Variants in CYB5R4 observed in about 807,000 individuals in gnomAD.
CYB5R4 encodes the protein cytochrome b5 reductase 4, also known as N-terminal cytochrome b5 and cytochrome b5 oxidoreductase domain-containing protein.
In CYB5R4, 55 loss-of-function variants were observed where a neutral mutation model predicts 70.2. The ratio of observed to expected loss-of-function variants is 0.78; its 90% CI spans 0.63 to 0.98. The LOEUF (loss-of-function observed/expected upper bound fraction) is 0.98, where lower values mean the gene tolerates loss of function less well. Among genes scored for constraint, CYB5R4 ranks in the 50% least tolerant of loss-of-function variants. CYB5R4 has a pLI of 0.00. For missense variants in CYB5R4, 562 were observed against 612.6 expected (o/e 0.92, Z 0.87); for synonymous variants, 197 against 199.5 (o/e 0.99, Z 0.11).
At chr6:83,924,422 C>T (rs1271526930) in intron 9 of CYB5R4, 48 bp from the exon 10 acceptor site, 2 of 1,587,802 alleles carry the variant, frequency 1.3e-6, no homozygotes, top group African/African-American at 2.7e-5. Context: ...AAAATAAAAT[C>T]TTGTATTTAG....
intron 14 of CYB5R4, among the ~76,000 whole-genome samples, chr6:83,948,196 AG>A (rs1432516446): frequency 6.6e-6 from 1 of 152,256 alleles, no homozygotes; most frequent in Non-Finnish European, 1.5e-5. Context: ...GCCATAAAAA[AG>A]GATGAGTTCA....
At chr6:83,958,699 A>G (rs1035684096) in intron 15 of CYB5R4, among the ~76,000 whole-genome samples, 1 of 152,112 alleles carries the variant, frequency 6.6e-6, no homozygotes, top group Admixed American at 6.6e-5. Context: ...TTGTGTGAGT[A>G]TGTGTATGCC....
chr6:83,904,865 T>G (rs2099463520), intron 3 of CYB5R4, among the ~76,000 whole-genome samples: 1 of 152,214 alleles, frequency 6.6e-6, no homozygotes, highest in Non-Finnish European at 1.5e-5. Flanking sequence ...AATCAATAGT[T>G]TGAATTCTTT....
At chr6:83,953,094 A>G (rs961242123) in intron 14 of CYB5R4, among the ~76,000 whole-genome samples, 2 of 152,134 alleles carry the variant, frequency 1.3e-5, no homozygotes, top group African/African-American at 4.8e-5. Context: ...GTGTTCTTTG[A>G]AATGTTAATG....
intron 2 of CYB5R4, among the ~76,000 whole-genome samples, chr6:83,886,081 G>C (rs917709673): frequency 6.6e-6 from 1 of 152,202 alleles, no homozygotes; most frequent in Non-Finnish European, 1.5e-5. Flanking sequence ...AGAAGTCCAA[G>C]GTCAACAGGC....
chr6:83,899,534 G>A (rs958694580), intron 3 of CYB5R4, among the ~76,000 whole-genome samples: 7 of 152,154 alleles, frequency 4.6e-5, no homozygotes, highest in Admixed American at 3.3e-4. Context: ...AGTTTCAGAA[G>A]GAATAGTACC....
At chr6:83,950,721 C>T (rs1034531140) in intron 14 of CYB5R4, among the ~76,000 whole-genome samples, 5 of 151,800 alleles carry the variant, frequency 3.3e-5, no homozygotes, top group Non-Finnish European at 5.9e-5. Context: ...AAAATTAATA[C>T]ATGTTTATAT....
At chr6:83,880,191 A>G (rs547506227) in intron 2 of CYB5R4, among the ~76,000 whole-genome samples, 15 of 152,338 alleles carry the variant, frequency 9.8e-5, no homozygotes, top group African/African-American at 2.9e-4. Context: ...TAATGATCAA[A>G]TCAGGGTAAT....
At chr6:83,938,513 T>C (rs2099469275) in intron 12 of CYB5R4, among the ~76,000 whole-genome samples, 1 of 152,218 alleles carries the variant, frequency 6.6e-6, no homozygotes, top group African/African-American at 2.4e-5. Context: ...TAATTTGGCT[T>C]TCCATGTGTT....
intron 10 of CYB5R4, among the ~76,000 whole-genome samples, chr6:83,930,271 G>T (rs985266560): frequency 6.6e-6 from 1 of 152,034 alleles, no homozygotes; most frequent in Non-Finnish European, 1.5e-5. Context: ...TGCCCACATC[G>T]ATTGACCCTT....
chr6:83,952,991 A>G (rs534973436), intron 14 of CYB5R4, among the ~76,000 whole-genome samples: 31 of 152,282 alleles, frequency 2.0e-4, no homozygotes, highest in African/African-American at 6.7e-4. Context: ...CCAGCCTCTT[A>G]TGCTGACAGA....
intron 3 of CYB5R4, among the ~76,000 whole-genome samples, chr6:83,905,173 G>A (rs1032855091): frequency 3.3e-5 from 5 of 152,130 alleles, no homozygotes; most frequent in Admixed American, 3.3e-4. Flanking sequence ...TCCTGCCTCA[G>A]CCGCCCAAGT....
rs938188290 is a variant in CYB5R4 at position 83,924,564 on chromosome 6, T to C, written c.786T>C (p.His262=). ...TTCTTGGCCATCCCCTGAAGAATCA[T>C]AATTCACTTATTCCAAGGAAAGATA... ...WDFLGHPLKN[H]NSLIPRKDTG... is the part of the protein sequence containing the mutation. The change falls in exon 10 of 16, where the codon CAT becomes CAC. Residue 262 remains histidine, a synonymous_variant. Transcript: ENST00000369681. 1 of 1,613,634 alleles carries C rather than the reference T, an allele frequency of 6.2e-7. No homozygotes were observed. Among genetic ancestry groups the C allele is most frequent in the South Asian group, 1.1e-5 (1 of 91,070 alleles).
rs1466982574 is a variant in CYB5R4, at chr6:83,963,151, G to C, written c.*3273G>C. On this transcript the variant is annotated 3_prime_UTR_variant, in exon 16 of 16. Coordinates refer to ENST00000369681, the MANE Select transcript of CYB5R4 (RefSeq NM_016230.4). ...CAAAGGTTGCAGGCATTTGGGTGTT[G>C]ACATCTTTGATGGGCACATTGTGTC... 2 of 152,168 alleles carry C rather than the reference G, an allele frequency of 1.3e-5. No homozygotes were observed. Among genetic ancestry groups the C allele is most frequent in the Non-Finnish European group, 2.9e-5 (2 of 68,036 alleles). The allele number at this position is 152,168 out of a possible 1,614,324, so 9.4% of individuals were successfully genotyped here.
At chr6:83,947,909 T>G (rs1158433704) in intron 14 of CYB5R4, among the ~76,000 whole-genome samples, 2 of 152,232 alleles carry the variant, frequency 1.3e-5, no homozygotes, top group Non-Finnish European at 1.5e-5. Context: ...GGAACACTTT[T>G]ACACTGTTGG....
In CYB5R4 at chr6:83,936,265, T is replaced by A; in HGVS notation, c.997T>A (p.Leu333Ile). 1 of 1,608,486 alleles carries A rather than the reference T, an allele frequency of 6.2e-7. No individual in the cohort carries two copies. Among genetic ancestry groups the A allele is most frequent in the Non-Finnish European group, 8.5e-7 (1 of 1,177,908 alleles). Reference sequence around the variant, plus strand: ...GCCATATACACCTGTATCTGGTTCCTTACTCTCAGAGTTCAAGGAACCAGT... The same window carrying A: ...GCCATATACACCTGTATCTGGTTCCATACTCTCAGAGTTCAAGGAACCAGT... Reference protein sequence around the residue: ...VKPYTPVSGSLLSEFKEPVLP... With the variant: ...VKPYTPVSGSILSEFKEPVLP... The change falls in exon 12 of 16, where the codon TTA (leucine) becomes ATA (isoleucine). Residue 333 changes from leucine to isoleucine, a missense_variant. Physicochemically the swap from Leu to Ile is conservative, Grantham distance 5. Transcript: ENST00000369681.
intron 2 of CYB5R4, among the ~76,000 whole-genome samples, chr6:83,879,879 T>C (rs2099459181): frequency 6.6e-6 from 1 of 152,182 alleles, no homozygotes; most frequent in Non-Finnish European, 1.5e-5. Context: ...TGTTTTGTGG[T>C]GACGTCTCAT....
intron 2 of CYB5R4, among the ~76,000 whole-genome samples, chr6:83,885,818 A>G (rs2099460167): frequency 6.6e-6 from 1 of 152,162 alleles, no homozygotes. Flanking sequence ...AGAATGGAAA[A>G]CAGTCTGGCA....
At chr6:83,937,909 C>T (rs2099469176) in intron 12 of CYB5R4, among the ~76,000 whole-genome samples, 1 of 152,210 alleles carries the variant, frequency 6.6e-6, no homozygotes, top group African/African-American at 2.4e-5. Context: ...CTTTTGGTGT[C>T]ACCTCCTTTT....
Sources: gnomAD v4.1 joint callset for allele counts (sites outside exome capture counted in the v4.1 genomes callset) on GRCh38, gnomAD v4.1.1 for gene constraint, MANE v1.5 for transcripts, NCBI Gene and HGNC (gene_info 2026-07-23, HGNC 2026-07-21) for gene names.